CTHRC1: variants seen among roughly 807,000 people sequenced by gnomAD.
CTHRC1 encodes collagen triple helix repeat-containing protein 1.
CTHRC1 carries 21 observed loss-of-function variants against 25.9 expected under a neutral mutation model. The ratio of observed to expected loss-of-function variants is 0.81; its 90% CI spans 0.57 to 1.17. CTHRC1 has a LOEUF of 1.17. Ranked by LOEUF, CTHRC1 falls within the 50% of genes most tolerant of loss-of-function variation. CTHRC1 has a pLI of 0.00. For synonymous variants in CTHRC1, 109 were observed against 113.1 expected, an observed-to-expected ratio of 0.96 and a Z score of 0.23; for missense variants, 281 against 304.3, an observed-to-expected ratio of 0.92 and a Z score of 0.57.
At chr8:103,374,563 G>A (rs1204314738) in intron 1 of CTHRC1, among the ~76,000 whole-genome samples, 1 of 152,176 alleles carries the variant, frequency 6.6e-6, no homozygotes, top group Non-Finnish European at 1.5e-5. Flanking sequence ...GCATTGGCAT[G>A]TATGGCTTAT....
chr8:103,382,188 T>C (rs987981099), intron 3 of CTHRC1, among the ~76,000 whole-genome samples: 1 of 152,190 alleles, frequency 6.6e-6, no homozygotes, highest in Non-Finnish European at 1.5e-5. Flanking sequence ...TCTGTAAGTA[T>C]ACAAATTCTG....
Position 103,382,818 on chromosome 8 carries a change from C to T in CTHRC1, c.*218C>T. 1 of 519,902 alleles carries T rather than the reference C, an allele frequency of 1.9e-6. No individual in the cohort carries two copies. The highest frequency in any genetic ancestry group is 3.5e-6 in the Non-Finnish European group (1 of 289,030). The allele number at this position is 519,902 out of a possible 1,614,324, so 32.2% of individuals were successfully genotyped here. On this transcript the variant is annotated 3_prime_UTR_variant, in exon 4 of 4. Transcript: ENST00000330295. ...ATATTTTTTTTAGTTGGTTAGAATA[C>T]TTTCTTCATAGTCACATTCTCTCAA... is the stretch of plus-strand genomic sequence containing the variant.
chr8:103,375,845 C>G lies in CTHRC1; in HGVS notation c.258C>G (p.Phe86Leu), dbSNP rs1248088241. The change falls in exon 2 of 4, where the codon TTC becomes TTG. Residue 86 changes from phenylalanine to leucine, a missense_variant. Coordinates refer to ENST00000330295, the MANE Select transcript of CTHRC1 (RefSeq NM_138455.4). ...CTGGGATCCCAGGTCGGGATGGATT[C>G]AAAGGAGAAAAGGGGGAATGTCTGA... is the stretch of plus-strand genomic sequence containing the variant. ...GTPGIPGRDG[F>L]KGEKGECLRE... 6.2e-7 allele frequency: 1 copy of G among 1,613,956 alleles called. No homozygotes were observed. Among genetic ancestry groups the G allele is most frequent in the East Asian group, 2.2e-5 (1 of 44,868 alleles).
chr8:103,372,479 C>A, intron 1 of CTHRC1: 1 of 1,590,760 alleles, frequency 6.3e-7, no homozygotes, highest in South Asian at 1.1e-5. Flanking sequence ...CGGCGCTAAC[C>A]CTCTAAGGAC....
chr8:103,377,800 C>T (rs910917971), intron 2 of CTHRC1, among the ~76,000 whole-genome samples: 11 of 152,048 alleles, frequency 7.2e-5, no homozygotes, highest in South Asian at 2.1e-4. Context: ...AGATGGGTTT[C>T]GCCATGTTGG....
At chr8:103,379,583 C>T (rs1405307523) in intron 3 of CTHRC1, among the ~76,000 whole-genome samples, 1 of 152,006 alleles carries the variant, frequency 6.6e-6, no homozygotes, top group Non-Finnish European at 1.5e-5. Flanking sequence ...ACCATGGTAG[C>T]ATCAGAAAGT....
intron 1 of CTHRC1, among the ~76,000 whole-genome samples, chr8:103,374,088 T>C (rs1249781893): frequency 6.6e-6 from 1 of 152,228 alleles, no homozygotes; most frequent in Non-Finnish European, 1.5e-5. Context: ...TTTTTTTAAC[T>C]ATTTCTCTGA....
chr8:103,374,066 TTTTTC>T (rs1292437203), intron 1 of CTHRC1, among the ~76,000 whole-genome samples: 3 of 152,354 alleles, frequency 2.0e-5, no homozygotes, highest in East Asian at 1.9e-4. Context: ...TGTTAAATGC[TTTTTC>T]TTTTCTTTTT....
Position 103,371,828 on chromosome 8 carries a change from C to A in CTHRC1, c.150+22C>A, listed in dbSNP as rs1388080527. 6 of 1,481,372 alleles carry A rather than the reference C, an allele frequency of 4.1e-6. No homozygotes were observed. The African/African-American group carries it at 5.8e-5, about 14-fold the overall frequency. 91.8% of individuals were successfully genotyped at this position (1,481,372 alleles called of 1,614,324 possible). ...CCTGGTGAGTCCGAGGGAGCCGAGC[C>A]GGGACCGCCGCGCTGGTGGAGGGGA... is the stretch of plus-strand genomic sequence containing the variant. On this transcript the variant is annotated intron_variant, in intron 1 of 3. Coordinates refer to ENST00000330295, the MANE Select transcript of CTHRC1 (RefSeq NM_138455.4).
intron 2 of CTHRC1, chr8:103,377,319 T>C (rs534397080): frequency 9.8e-5 from 15 of 152,808 alleles, no homozygotes; most frequent in African/African-American, 3.1e-4. Flanking sequence ...GTAAGTTCCA[T>C]GAAGGTAGGG....
At chr8:103,372,517 GGCAGTC>G in intron 1 of CTHRC1, 1 of 1,598,056 alleles carries the variant, frequency 6.3e-7, no homozygotes, top group Non-Finnish European at 8.5e-7. Flanking sequence ...AAACCAAATG[GGCAGTC>G]TGTCATTACA....
At chr8:103,377,923 C>T in intron 2 of CTHRC1, 104 bp from the exon 3 acceptor site, 1 of 1,027,052 alleles carries the variant, frequency 9.7e-7, no homozygotes, top group Admixed American at 1.8e-5. Context: ...TTTTTAAATA[C>T]ATTTTGGGGA....
chr8:103,371,920 G>A, intron 1 of CTHRC1, 114 bp downstream of exon 1: 1 of 1,045,920 alleles, frequency 9.6e-7, no homozygotes, highest in East Asian at 3.1e-5. Flanking sequence ...GTACAGCTGT[G>A]TGTCGTGTGT....
chr8:103,373,727 T>C (rs1333975908), intron 1 of CTHRC1, among the ~76,000 whole-genome samples: 2 of 148,362 alleles, frequency 1.3e-5, no homozygotes, highest in African/African-American at 2.5e-5. Context: ...CTCTCCCAAG[T>C]TGTGACAACC....
chr8:103,372,717 A>G, intron 1 of CTHRC1: 1 of 1,459,140 alleles, frequency 6.9e-7, no homozygotes, highest in Non-Finnish European at 9.4e-7. Flanking sequence ...GAGGGCGGAG[A>G]GGTTCTCTGG....
At chr8:103,375,681 T>C (rs940782594) in intron 1 of CTHRC1, 57 bp from the exon 2 acceptor site, 18 of 1,408,998 alleles carry the variant, frequency 1.3e-5, no homozygotes, top group Non-Finnish European at 1.8e-5. Context: ...CTAATCATAC[T>C]GAGTCTTTGA....
intron 1 of CTHRC1, among the ~76,000 whole-genome samples, chr8:103,374,614 G>T (rs1429668045): frequency 6.6e-6 from 1 of 152,106 alleles, no homozygotes; most frequent in African/African-American, 2.4e-5. Context: ...CTCTTCCCCA[G>T]GTCTAAATCC....
rs538545009 is a variant in CTHRC1 at position 103,371,695 on chromosome 8, C to T, written c.39C>T (p.Leu13=). 4.8e-5 allele frequency: 74 copies of T among 1,533,744 alleles called. No individual in the cohort carries two copies. In the South Asian group the frequency reaches 7.9e-4, roughly 16 times the overall value. ...PQGPAASPQR[L]RGLLLLLLLQ... ...GCCCCGCCGCCTCCCCGCAGCGGCTCCGCGGCCTCCTGCTGCTCCTGCTGC... is the reference window on the plus strand; with the variant it reads ...GCCCCGCCGCCTCCCCGCAGCGGCTTCGCGGCCTCCTGCTGCTCCTGCTGC... The change falls in exon 1 of 4, where the codon CTC becomes CTT. Residue 13 remains leucine (L), a synonymous_variant. Transcript: ENST00000330295.
Position 103,371,675 on chromosome 8 carries a change from G to T in CTHRC1, c.19G>T (p.Ala7Ser). The T allele has an allele frequency of 1.3e-6, 2 of 1,533,616 alleles. No individual in the cohort carries two copies. Among genetic ancestry groups the T allele is most frequent in the East Asian group, 2.5e-5 (1 of 39,238 alleles). MRPQGP[A>S]ASPQRLRGLL... ...GGGAGCCATGCGACCCCAGGGCCCC[G>T]CCGCCTCCCCGCAGCGGCTCCGCGG... The change falls in exon 1 of 4, where the codon GCC becomes TCC. Residue 7 changes from alanine to serine, a missense_variant. Coordinates refer to ENST00000330295, the MANE Select transcript of CTHRC1 (RefSeq NM_138455.4).
Sources: gnomAD v4.1 joint callset for allele counts (sites outside exome capture counted in the v4.1 genomes callset) on GRCh38, gnomAD v4.1.1 for gene constraint, MANE v1.5 for transcripts, NCBI Gene and HGNC (gene_info 2026-07-23, HGNC 2026-07-21) for gene names.